MRPS9: variants seen among roughly 807,000 people sequenced by gnomAD.
The protein encoded by MRPS9 is mitochondrial ribosomal protein S9, also known as small ribosomal subunit protein uS9m.
In MRPS9, 45 loss-of-function variants were observed where a neutral mutation model predicts 59.9. The ratio of observed to expected loss-of-function variants is 0.75; its 90% CI spans 0.59 to 0.96. The LOEUF is 0.96. Ranked by LOEUF, MRPS9 falls within the 40% of genes least tolerant of loss-of-function variation. MRPS9 has a pLI of 0.00. For synonymous variants in MRPS9, 171 were observed against 166.8 expected, an observed-to-expected ratio of 1.03 and a Z score of -0.19; for missense variants, 473 against 481.1, an observed-to-expected ratio of 0.98 and a Z score of 0.16.
intron 2 of MRPS9, among the ~76,000 whole-genome samples, chr2:105,051,013 A>G (rs1308891781): frequency 1.3e-5 from 2 of 152,186 alleles, no homozygotes; most frequent in Admixed American, 6.5e-5. Flanking sequence ...TTGGATTTCC[A>G]TTTTTAGTTC....
At chr2:105,044,075 A>G (rs1365679846) in intron 1 of MRPS9, among the ~76,000 whole-genome samples, 3 of 151,766 alleles carry the variant, frequency 2.0e-5, no homozygotes, top group South Asian at 2.1e-4. Flanking sequence ...AGCTGGGATT[A>G]TAGGTGCCTG....
chr2:105,070,130 TTTTA>T (rs1226550141), intron 2 of MRPS9, among the ~76,000 whole-genome samples: 2 of 152,038 alleles, frequency 1.3e-5, no homozygotes, highest in African/African-American at 4.8e-5. Flanking sequence ...GATCTAAGTT[TTTTA>T]TTTGTTTGTT....
At chr2:105,071,249 A>AT (rs1162518280) in intron 2 of MRPS9, 64 bp from the exon 3 acceptor site, 3 of 1,353,932 alleles carry the variant, frequency 2.2e-6, no homozygotes, top group Non-Finnish European at 3.1e-6. Flanking sequence ...AAAGCACTCT[A>AT]TAACTATTAG....
In MRPS9 at chr2:105,062,756, C is replaced by T. The variant is rs374413542; in HGVS notation, c.316-8557C>T. ...TAAATAAAATGAAAATTTACTTCCTCGGTTGCACCAAGCACATGTCAGTGA... is the reference window on the plus strand; with the variant it reads ...TAAATAAAATGAAAATTTACTTCCTTGGTTGCACCAAGCACATGTCAGTGA... On this transcript the variant is annotated intron_variant, in intron 2 of 10. Transcript: ENST00000258455. 4.3e-4 allele frequency among the ~76,000 whole-genome samples: 66 copies of T among 152,284 alleles called. No homozygotes were observed. The South Asian group carries it at 5.4e-3, about 12-fold the overall frequency.
At chr2:105,067,789 T>C (rs11897155) in intron 2 of MRPS9, among the ~76,000 whole-genome samples, 30,199 of 152,154 alleles carry the variant, frequency 0.2, 3,129 homozygotes, top group Middle Eastern at 0.35. Context: ...TGCACATGAA[T>C]GTGCATGTCA....
Position 105,096,716 on chromosome 2 carries a change from AC to A in MRPS9, c.930-438del, listed in dbSNP as rs1470470514. 4.2e-3 allele frequency among the ~76,000 whole-genome samples: 643 copies of A among 152,354 alleles called. 5 individuals carry two copies. Among genetic ancestry groups the A allele is most frequent in the African/African-American group, 0.014 (596 of 41,582 alleles). The stretch of plus-strand genomic sequence containing the variant: ...TGAGCATTATACATTATACAGATAC[AC>A]TTATAGTAGACTTTATTTAGTGAAT... On this transcript the variant is annotated intron_variant, in intron 9 of 10. Coordinates refer to ENST00000258455, the MANE Select transcript of MRPS9 (RefSeq NM_182640.3).
intron 4 of MRPS9, among the ~76,000 whole-genome samples, chr2:105,074,817 C>G (rs893178971): frequency 6.6e-6 from 1 of 152,098 alleles, no homozygotes; most frequent in Non-Finnish European, 1.5e-5. Context: ...GTGGTTAAAC[C>G]GGTGGTCCCC....
chr2:105,079,473 G>C (rs1680285913), intron 4 of MRPS9, among the ~76,000 whole-genome samples: 1 of 152,070 alleles, frequency 6.6e-6, no homozygotes, highest in Non-Finnish European at 1.5e-5. Flanking sequence ...CTTTTCTGTT[G>C]TTGATGTTTT....
chr2:105,047,453 G>A (rs995546699), intron 1 of MRPS9, among the ~76,000 whole-genome samples: 7 of 151,848 alleles, frequency 4.6e-5, no homozygotes, highest in African/African-American at 1.4e-4. Flanking sequence ...TTACTGTAGA[G>A]GCATCTGAAT....
intron 1 of MRPS9, among the ~76,000 whole-genome samples, chr2:105,042,877 G>C (rs972064103): frequency 3.9e-5 from 6 of 152,070 alleles, no homozygotes; most frequent in African/African-American, 1.4e-4. Context: ...TATAAAAATA[G>C]AATAATATAA....
chr2:105,083,425 G>A (rs1680386863), intron 5 of MRPS9, among the ~76,000 whole-genome samples: 1 of 152,184 alleles, frequency 6.6e-6, no homozygotes, highest in African/African-American at 2.4e-5. Context: ...AAAGGGAACG[G>A]TGGGCCGCAG....
chr2:105,083,029 G>A (rs1680378518), intron 5 of MRPS9, among the ~76,000 whole-genome samples: 1 of 152,250 alleles, frequency 6.6e-6, no homozygotes, highest in African/African-American at 2.4e-5. Context: ...TGGTGGCACT[G>A]GCTTGGCTGG....
At chr2:105,085,514 G>T (rs1471295999) in intron 5 of MRPS9, among the ~76,000 whole-genome samples, 7 of 152,074 alleles carry the variant, frequency 4.6e-5, no homozygotes, top group Admixed American at 3.9e-4. Flanking sequence ...ATTTCCACAT[G>T]ATTAATAGAA....
At chr2:105,049,522 G>A (rs1679671215) in intron 2 of MRPS9, among the ~76,000 whole-genome samples, 172 bp downstream of exon 2, 1 of 152,160 alleles carries the variant, frequency 6.6e-6, no homozygotes, top group Non-Finnish European at 1.5e-5. Context: ...AAATGTGCAG[G>A]ATTTACTTAG....
intron 2 of MRPS9, among the ~76,000 whole-genome samples, chr2:105,050,131 T>A (rs1006315783): frequency 2.1e-5 from 3 of 143,546 alleles, no homozygotes; most frequent in African/African-American, 7.6e-5. Context: ...GAAGGATTTT[T>A]TTCTTTTCTT....
chr2:105,063,167 G>A (rs1348494100), intron 2 of MRPS9, among the ~76,000 whole-genome samples: 4 of 152,216 alleles, frequency 2.6e-5, no homozygotes, highest in African/African-American at 7.2e-5. Context: ...CTCCTTGGGC[G>A]TCTGAGGCAG....
intron 9 of MRPS9, 99 bp downstream of exon 9, chr2:105,093,737 C>G (rs1185809197): frequency 3.7e-6 from 2 of 539,156 alleles, no homozygotes; most frequent in Non-Finnish European, 6.5e-6. Context: ...TTCTGTTTAT[C>G]TGAATGATTA....
At chr2:105,078,298 T>C (rs1307775077) in intron 4 of MRPS9, among the ~76,000 whole-genome samples, 2 of 144,548 alleles carry the variant, frequency 1.4e-5, no homozygotes, top group African/African-American at 5.2e-5. Context: ...TGTGATACCT[T>C]AGGTTCGGTG....
At chr2:105,083,897 C>T (rs989957184) in intron 5 of MRPS9, among the ~76,000 whole-genome samples, 1 of 152,172 alleles carries the variant, frequency 6.6e-6, no homozygotes, top group African/African-American at 2.4e-5. Flanking sequence ...GAAACCAGTG[C>T]TTGGGGAGGA....
Sources: gnomAD v4.1 joint callset for allele counts (sites outside exome capture counted in the v4.1 genomes callset) on GRCh38, gnomAD v4.1.1 for gene constraint, MANE v1.5 for transcripts, NCBI Gene and HGNC (gene_info 2026-07-23, HGNC 2026-07-21) for gene names.